Variants in STPG2 observed in about 807,000 individuals in gnomAD.
STPG2 encodes the protein sperm tail PG-rich repeat containing 2, also known as sperm-tail PG-rich repeat-containing protein 2.
STPG2 carries 56 observed loss-of-function variants against 54.2 expected under a neutral mutation model. That is an observed-to-expected ratio of 1.03 (90% confidence interval 0.83 to 1.29). STPG2 has a LOEUF of 1.29. Ranked by LOEUF, STPG2 falls within the 50% of genes most tolerant of loss-of-function variation. The probability of loss-of-function intolerance (pLI) is 0.00; values close to 1 mark genes in which losing one functional copy is unlikely to be tolerated. For synonymous variants in STPG2, 200 were observed against 181.8 expected (o/e 1.10, Z -0.81); for missense variants, 596 against 544.9 (o/e 1.09, Z -0.93).
chr4:97,946,114 T>C (rs1448314201), intron 7 of STPG2, among the ~76,000 whole-genome samples: 1 of 152,138 alleles, frequency 6.6e-6, no homozygotes, highest in Non-Finnish European at 1.5e-5. Flanking sequence ...TGGTATCTCA[T>C]TGCGGTTTTA....
chr4:97,970,485 G>A (rs748279003), intron 7 of STPG2, among the ~76,000 whole-genome samples: 2 of 152,112 alleles, frequency 1.3e-5, no homozygotes, highest in Non-Finnish European at 2.9e-5. Context: ...GAACAGAACA[G>A]AGCCCTCAGA....
At chr4:97,883,255 G>C (rs893251605) in intron 8 of STPG2, among the ~76,000 whole-genome samples, 1 of 151,580 alleles carries the variant, frequency 6.6e-6, no homozygotes, top group Non-Finnish European at 1.5e-5. Context: ...GGCCTTGTTG[G>C]TGTGCTCCTG....
chr4:98,139,353 G>A (rs926632605), intron 1 of STPG2, among the ~76,000 whole-genome samples: 16 of 152,116 alleles, frequency 1.1e-4, no homozygotes, highest in Admixed American at 7.9e-4. Context: ...AGGAGAGAAC[G>A]GTTGGAAATA....
At chr4:97,900,537 G>A (rs1472697349) in intron 8 of STPG2, among the ~76,000 whole-genome samples, 1 of 152,036 alleles carries the variant, frequency 6.6e-6, no homozygotes, top group Non-Finnish European at 1.5e-5. Context: ...GACCATTAAT[G>A]ACAGACTGGA....
At chr4:98,051,252 C>A (rs543802264) in intron 5 of STPG2, among the ~76,000 whole-genome samples, 8 of 152,238 alleles carry the variant, frequency 5.3e-5, no homozygotes, top group African/African-American at 1.9e-4. Flanking sequence ...AACTGAAGTA[C>A]CTACCTGATC....
intron 8 of STPG2, among the ~76,000 whole-genome samples, chr4:97,935,672 T>C (rs886146869): frequency 9.2e-5 from 14 of 152,192 alleles, no homozygotes; most frequent in Admixed American, 9.2e-4. Flanking sequence ...ATGTTCAACT[T>C]CCATGTAGTG....
At chr4:97,546,606 A>G (rs1731838945) in intron 4 of STPG2, among the ~76,000 whole-genome samples, 1 of 152,114 alleles carries the variant, frequency 6.6e-6, no homozygotes, top group South Asian at 2.1e-4. Flanking sequence ...AGAAAGAAAA[A>G]CCTTGCTGTA....
At chr4:97,789,938 A>G (rs1234972635) in intron 9 of STPG2, among the ~76,000 whole-genome samples, 1 of 152,166 alleles carries the variant, frequency 6.6e-6, no homozygotes, top group Non-Finnish European at 1.5e-5. Context: ...AAATGTAAAC[A>G]TTTCAGATCA....
intron 8 of STPG2, among the ~76,000 whole-genome samples, chr4:97,899,767 C>A (rs1013417790): frequency 2.0e-5 from 3 of 151,830 alleles, no homozygotes; most frequent in Non-Finnish European, 4.4e-5. Flanking sequence ...CTGGCAGCTA[C>A]ATGCAGAATA....
At chr4:97,945,391 T>C (rs529685669) in intron 7 of STPG2, among the ~76,000 whole-genome samples, 2 of 152,252 alleles carry the variant, frequency 1.3e-5, no homozygotes, top group South Asian at 2.1e-4. Context: ...GATATTATGT[T>C]ATTCTTTTTT....
intron 1 of STPG2, among the ~76,000 whole-genome samples, chr4:98,136,473 T>A (rs993746730): frequency 2.2e-4 from 33 of 151,722 alleles, no homozygotes; most frequent in African/African-American, 7.0e-4. Flanking sequence ...GAATATCTTA[T>A]GTAATTTATT....
chr4:97,630,574 C>T (rs1721240885), intron 10 of STPG2, among the ~76,000 whole-genome samples: 1 of 151,832 alleles, frequency 6.6e-6, no homozygotes, highest in Admixed American at 6.6e-5. Flanking sequence ...TTGCATCTCA[C>T]ACATCTTATC....
At chr4:97,732,676 G>C (rs1010512753) in intron 9 of STPG2, among the ~76,000 whole-genome samples, 1 of 151,992 alleles carries the variant, frequency 6.6e-6, no homozygotes, top group African/African-American at 2.4e-5. Flanking sequence ...GAAAATATTT[G>C]CAAGCTACGC....
chr4:98,116,945 T>C (rs1739539665), intron 3 of STPG2, among the ~76,000 whole-genome samples: 2 of 152,052 alleles, frequency 1.3e-5, no homozygotes, highest in African/African-American at 4.8e-5. Flanking sequence ...GTATTATTTC[T>C]AGTTTGTTCC....
At chr4:97,962,763 G>A (rs556808372) in intron 7 of STPG2, among the ~76,000 whole-genome samples, 19 of 152,278 alleles carry the variant, frequency 1.2e-4, no homozygotes, top group South Asian at 4.1e-4. Context: ...TAACTTGCAC[G>A]AGATCAGTGG....
intron 10 of STPG2, among the ~76,000 whole-genome samples, chr4:97,642,849 A>G (rs1158932616): frequency 2.6e-5 from 4 of 151,518 alleles, no homozygotes; most frequent in South Asian, 4.1e-4. Context: ...CTGAAATTTT[A>G]GAAAAAAATA....
At chr4:98,000,467 C>A (rs1206766808) in intron 5 of STPG2, among the ~76,000 whole-genome samples, 1 of 130,248 alleles carries the variant, frequency 7.7e-6, no homozygotes. Context: ...TTTAAGTGAT[C>A]TAACCTCATG....
intron 10 of STPG2, among the ~76,000 whole-genome samples, chr4:97,652,073 T>G (rs2148954181): frequency 6.6e-6 from 1 of 152,026 alleles, no homozygotes; most frequent in South Asian, 2.1e-4. Context: ...ACAGATACTC[T>G]GATAGTAATA....
chr4:97,442,131 G>T (rs1729101908), intron 4 of STPG2, among the ~76,000 whole-genome samples: 1 of 151,730 alleles, frequency 6.6e-6, no homozygotes, highest in African/African-American at 2.4e-5. Flanking sequence ...ACTAGGAAAA[G>T]TTGAAGAAAA....
Sources: gnomAD v4.1 joint callset for allele counts (sites outside exome capture counted in the v4.1 genomes callset) on GRCh38, gnomAD v4.1.1 for gene constraint, MANE v1.5 for transcripts, NCBI Gene and HGNC (gene_info 2026-07-23, HGNC 2026-07-21) for gene names.